The following TMEM39B variants were observed in gnomAD, a reference collection of about 807,000 sequenced individuals.
TMEM39B encodes transmembrane protein 39B.
A neutral mutation model predicts 52.2 loss-of-function variants in TMEM39B; 23 were observed. The observed-to-expected ratio is 0.44, with a 90% CI of 0.32 to 0.62. The LOEUF (loss-of-function observed/expected upper bound fraction) is 0.62. Among genes scored for constraint, TMEM39B ranks in the 20% least tolerant of loss-of-function variants. The probability of loss-of-function intolerance (pLI) is 0.06; values close to 1 mark genes in which losing one functional copy is unlikely to be tolerated. For synonymous variants in TMEM39B, 285 were observed against 264.0 expected (o/e 1.08, Z -0.77); for missense variants, 547 against 642.0 (o/e 0.85, Z 1.60).
At chr1:32,087,407 T>G (rs1370018980) in intron 5 of TMEM39B, 1 of 149,494 alleles carries the variant, frequency 6.7e-6, no homozygotes, top group Non-Finnish European at 1.5e-5. Flanking sequence ...GCGGATCACC[T>G]GAGGTCAGGA....
At chr1:32,073,320 AG>A (rs1363946889) in intron 1 of TMEM39B, 2 of 331,958 alleles carry the variant, frequency 6.0e-6, no homozygotes, top group African/African-American at 2.9e-5. Context: ...GGGGCTAGAA[AG>A]GGGGGCGGGA....
At chr1:32,073,273 C>G in intron 1 of TMEM39B, 1 of 547,966 alleles carries the variant, frequency 1.8e-6, no homozygotes, top group Non-Finnish European at 2.9e-6. Context: ...AGACGAAGCC[C>G]TGTGGGGGCT....
chr1:32,088,466 G>A (rs768779904), intron 5 of TMEM39B, among the ~76,000 whole-genome samples: 4 of 151,750 alleles, frequency 2.6e-5, no homozygotes, highest in African/African-American at 9.7e-5. Flanking sequence ...GTTGGAAAGC[G>A]ATGCTCTAGA....
In TMEM39B at chr1:32,075,831, C is replaced by T; in HGVS notation, c.351+9C>T. On this transcript the variant is annotated intron_variant, in intron 3 of 8. Coordinates refer to ENST00000336294, the MANE Select transcript of TMEM39B (RefSeq NM_018056.4). ...CCTCCCACACCTCCCTGGTAGGTAC[C>T]CAACAAGGGTGTGTGTGTGTGTGTG... The T allele has an allele frequency of 1.4e-6, 2 of 1,447,244 alleles. No homozygotes were observed. The allele number at this position is 1,447,244 out of a possible 1,614,324, so 89.7% of individuals were successfully genotyped here.
In TMEM39B at chr1:32,072,984, G is replaced by C; in HGVS notation, c.-64G>C. Reference sequence around the variant, plus strand: ...GGCGGTTAGTCCTCTCCCGGCCGCCGTCGCCTCCGACATATTGCCCGCAGG... The same window carrying C: ...GGCGGTTAGTCCTCTCCCGGCCGCCCTCGCCTCCGACATATTGCCCGCAGG... On this transcript the variant is annotated 5_prime_UTR_variant, in exon 1 of 9. Transcript: ENST00000336294. 2.0e-6 allele frequency: 3 copies of C among 1,529,182 alleles called. No homozygotes were observed. Among genetic ancestry groups the C allele is most frequent in the Non-Finnish European group, 2.6e-6 (3 of 1,136,916 alleles). 94.7% of individuals were successfully genotyped at this position (1,529,182 alleles called of 1,614,324 possible).
In TMEM39B at chr1:32,073,043, A is replaced by C. The variant is rs1441185475; in HGVS notation, c.-5A>C. 1 of 1,518,744 alleles carries C rather than the reference A, an allele frequency of 6.6e-7. No homozygotes were observed. The highest frequency in any genetic ancestry group is 2.6e-5 in the East Asian group (1 of 37,752). The allele number at this position is 1,518,744 out of a possible 1,614,324, so 94.1% of individuals were successfully genotyped here. A position where few individuals can be genotyped will look rare whatever the true frequency, so the allele number is the denominator to read the frequency against. On this transcript the variant is annotated 5_prime_UTR_variant, in exon 1 of 9. Coordinates refer to ENST00000336294, the MANE Select transcript of TMEM39B (RefSeq NM_018056.4). Reference sequence around the variant, plus strand: ...CGGCGAAGCGGAGAGCACCGGGGGGAGGAGATGGGTGAGCAGAGCGGCTCA... The same window carrying C: ...CGGCGAAGCGGAGAGCACCGGGGGGCGGAGATGGGTGAGCAGAGCGGCTCA...
intron 5 of TMEM39B, among the ~76,000 whole-genome samples, chr1:32,078,213 A>G (rs1213142412): frequency 6.6e-6 from 1 of 152,202 alleles, no homozygotes. Context: ...GGCCAGGCAC[A>G]GTAGCACAAA....
At position 32,073,010 on chromosome 1, in the gene TMEM39B, A is replaced by G; in HGVS notation, c.-38A>G. 1 of 1,532,480 alleles carries G rather than the reference A, an allele frequency of 6.5e-7. No individual in the cohort carries two copies. The highest frequency in any genetic ancestry group is 8.8e-7 in the Non-Finnish European group (1 of 1,137,854). The allele number at this position is 1,532,480 out of a possible 1,614,324, so 94.9% of individuals were successfully genotyped here. A position where few individuals can be genotyped will look rare whatever the true frequency, so the allele number is the denominator to read the frequency against. The stretch of plus-strand genomic sequence containing the variant: ...TCGCCTCCGACATATTGCCCGCAGG[A>G]GCTGCGGCGGCGAAGCGGAGAGCAC... On this transcript the variant is annotated 5_prime_UTR_variant, in exon 1 of 9. Coordinates refer to ENST00000336294, the MANE Select transcript of TMEM39B (RefSeq NM_018056.4).
intron 1 of TMEM39B, chr1:32,073,279 G>A: frequency 1.8e-6 from 1 of 552,000 alleles, no homozygotes. Flanking sequence ...AGCCCTGTGG[G>A]GGCTTGGGCT....
Position 32,076,572 on chromosome 1 carries a change from C to G in TMEM39B, c.352-191C>G. 7.1e-6 allele frequency: 5 copies of G among 700,784 alleles called. No homozygotes were observed. In the South Asian group the frequency reaches 7.5e-5, roughly 11 times the overall value. 43.4% of individuals were successfully genotyped at this position (700,784 alleles called of 1,614,324 possible). On this transcript the variant is annotated intron_variant, in intron 3 of 8. Coordinates refer to ENST00000336294, the MANE Select transcript of TMEM39B (RefSeq NM_018056.4). Reference sequence around the variant, plus strand: ...CACTCTCTTATCCCCAGGGACTGTCCCACTTCCCTTCTCGGGGTCCTGTCC... The same window carrying G: ...CACTCTCTTATCCCCAGGGACTGTCGCACTTCCCTTCTCGGGGTCCTGTCC...
Position 32,083,784 on chromosome 1 carries a change from G to A in TMEM39B, c.590+6466G>A, listed in dbSNP as rs556895873. On this transcript the variant is annotated intron_variant, in intron 5 of 8. Coordinates refer to ENST00000336294, the MANE Select transcript of TMEM39B (RefSeq NM_018056.4). ...CTCAGGAGGCTAAGGTATAAGAATC[G>A]CTTGAACCCAGGAGGCAGTGGTGCA... Among the ~76,000 whole-genome samples the A allele has an allele frequency of 1.8e-4, 27 of 152,076 alleles. 1 individual carries two copies. The South Asian group carries it at 5.0e-3, about 28-fold the overall frequency.
intron 1 of TMEM39B, among the ~76,000 whole-genome samples, chr1:32,074,075 G>A (rs1639754155): frequency 6.6e-6 from 1 of 152,068 alleles, no homozygotes; most frequent in African/African-American, 2.4e-5. Flanking sequence ...AGGTGCTTAG[G>A]AGCTTTGTGC....
intron 7 of TMEM39B, 95 bp from the exon 8 acceptor site, chr1:32,100,347 G>A (rs1000041923): frequency 2.9e-6 from 4 of 1,365,752 alleles, no homozygotes; most frequent in East Asian, 5.0e-5. Context: ...ATAGAAATGG[G>A]AGTAGAGCCC....
chr1:32,081,189 T>A (rs1434499616), intron 5 of TMEM39B, among the ~76,000 whole-genome samples: 2 of 150,758 alleles, frequency 1.3e-5, no homozygotes. Context: ...TGGGTTTTTT[T>A]ATTTGTTTGT....
chr1:32,088,376 C>T lies in TMEM39B; in HGVS notation c.591-3299C>T, dbSNP rs1569906934. ...AGCTTGCAGTGAGCCAAGGTCTCGCCACTGCCCTCCAGCCTGGGTGACAGA... is the reference window on the plus strand; with the variant it reads ...AGCTTGCAGTGAGCCAAGGTCTCGCTACTGCCCTCCAGCCTGGGTGACAGA... On this transcript the variant is annotated intron_variant, in intron 5 of 8. Transcript: ENST00000336294. Among the ~76,000 whole-genome samples, 4 of 152,024 alleles carry T rather than the reference C, an allele frequency of 2.6e-5. No homozygotes were observed. The South Asian group carries it at 6.2e-4, about 24-fold the overall frequency.
intron 8 of TMEM39B, among the ~76,000 whole-genome samples, chr1:32,101,933 A>G (rs1032403702): frequency 1.3e-5 from 2 of 151,982 alleles, no homozygotes; most frequent in Non-Finnish European, 2.9e-5. Flanking sequence ...GGATGTACCT[A>G]TGAAGTAGTA....
chr1:32,090,797 G>A (rs372449422), intron 5 of TMEM39B, among the ~76,000 whole-genome samples: 3 of 152,066 alleles, frequency 2.0e-5, no homozygotes, highest in Non-Finnish European at 4.4e-5. Flanking sequence ...CCGCCACCAC[G>A]CCCGGCTAAT....
At position 32,094,958 on chromosome 1, in the gene TMEM39B, G is replaced by A. The variant is rs143966385; in HGVS notation, c.1102G>A (p.Val368Met). The change falls in exon 7 of 9, where the codon GTG becomes ATG. Residue 368 changes from valine (V) to methionine (M), a missense_variant. Transcript: ENST00000336294. ...GGTGGACCCAGCGCTGTGCTCCAAC[G>A]TGCTGCAGCACCCGTGAGTCACCCT... Reference protein sequence around the residue: ...QKVDPALCSNVLQHPWTEECM... With the variant: ...QKVDPALCSNMLQHPWTEECM... 93 of 1,613,250 alleles carry A rather than the reference G, an allele frequency of 5.8e-5. No homozygotes were observed. Among genetic ancestry groups the A allele is most frequent in the Non-Finnish European group, 7.1e-5 (84 of 1,180,022 alleles).
intron 5 of TMEM39B, among the ~76,000 whole-genome samples, chr1:32,083,226 G>A (rs952863178): frequency 8.7e-5 from 13 of 149,788 alleles, no homozygotes; most frequent in African/African-American, 3.2e-4. Flanking sequence ...TGGGATTACA[G>A]GCATGCGCCA....
Sources: allele counts gnomAD v4.1 joint callset (sites outside exome capture counted in the v4.1 genomes callset), GRCh38; gene constraint gnomAD v4.1.1; transcripts MANE v1.5; gene names NCBI Gene and HGNC (gene_info 2026-07-23, HGNC 2026-07-21).